DYSF: variants seen among roughly 807,000 people sequenced by gnomAD.
DYSF encodes dysferlin, also known as dystrophy-associated fer-1-like 1.
Under a neutral mutation model 274.9 loss-of-function variants are expected in DYSF, and 212 were observed. The observed-to-expected ratio is 0.77, with a 90% CI of 0.69 to 0.86. DYSF has a LOEUF of 0.86. Among genes scored for constraint, DYSF ranks in the 40% least tolerant of loss-of-function variants. The pLI, the probability that DYSF is intolerant of heterozygous loss-of-function variation, is 0.00. For synonymous variants in DYSF, 1,091 were observed against 1,078.7 expected (o/e 1.01, Z -0.22); for missense variants, 2,666 against 2,783.2 (o/e 0.96, Z 0.95).
intron 3 of DYSF, among the ~76,000 whole-genome samples, chr2:71,484,276 C>T (rs563740819): frequency 6.6e-6 from 1 of 152,204 alleles, no homozygotes; most frequent in African/African-American, 2.4e-5. Context: ...CAGTCTTGAA[C>T]TCCTGACCTC....
At chr2:71,474,979 T>A (rs1188908091) in intron 1 of DYSF, among the ~76,000 whole-genome samples, 4 of 152,114 alleles carry the variant, frequency 2.6e-5, no homozygotes, top group African/African-American at 4.8e-5. Context: ...TCAGGCCCCC[T>A]CAGAACCCTG....
intron 49 of DYSF, 77 bp downstream of exon 49, chr2:71,668,919 G>A (rs1406265517): frequency 1.1e-5 from 17 of 1,489,938 alleles, no homozygotes; most frequent in Middle Eastern, 3.4e-4. Context: ...GGGACTAGGC[G>A]GTTGCTCTTT....
At chr2:71,506,832 T>C (rs1273312255) in intron 4 of DYSF, among the ~76,000 whole-genome samples, 1 of 151,882 alleles carries the variant, frequency 6.6e-6, no homozygotes, top group Non-Finnish European at 1.5e-5. Context: ...CTGAGGTCTG[T>C]TCTAGACCCT....
chr2:71,672,382 C>T (rs1375999703), intron 51 of DYSF, among the ~76,000 whole-genome samples: 1 of 152,200 alleles, frequency 6.6e-6, no homozygotes, highest in East Asian at 1.9e-4. Context: ...GCCACGGAGC[C>T]AGCCCTCTGC....
chr2:71,535,089 G>C lies in DYSF; in HGVS notation c.1449G>C (p.Met483Ile). ...QWNQNITLPA[M>I]FPSMCEKMRI... The stretch of plus-strand genomic sequence containing the variant: ...ACCAGAACATCACACTGCCTGCCAT[G>C]GTGAGCCTCCTGCCCCCAGCAAACC... The change falls in exon 15 of 56, where the codon ATG becomes ATC. Residue 483 changes from methionine (M) to isoleucine (I), a missense_variant and splice_region_variant. Around this residue, in one of 3 missense-constraint regions of DYSF, gnomAD observed 794 missense variants for 777.1 expected, o/e 1.02. Transcript: ENST00000410020. The C allele has an allele frequency of 6.2e-7, 1 of 1,614,124 alleles. No individual in the cohort carries two copies. Among genetic ancestry groups the C allele is most frequent in the Non-Finnish European group, 8.5e-7 (1 of 1,180,002 alleles).
intron 29 of DYSF, among the ~76,000 whole-genome samples, chr2:71,573,852 T>G (rs2092607418): frequency 6.6e-6 from 1 of 152,100 alleles, no homozygotes; most frequent in Non-Finnish European, 1.5e-5. Flanking sequence ...AGATGGAGTC[T>G]CATTCTGTCA....
intron 32 of DYSF, among the ~76,000 whole-genome samples, chr2:71,592,880 G>C (rs185850063): frequency 6.6e-6 from 1 of 152,182 alleles, no homozygotes; most frequent in Non-Finnish European, 1.5e-5. Flanking sequence ...AGATAGGCAG[G>C]GGTTGCCCAG....
At chr2:71,515,854 G>A (rs1035783019) in intron 8 of DYSF, 103 bp downstream of exon 8, 26 of 1,521,658 alleles carry the variant, frequency 1.7e-5, no homozygotes, top group East Asian at 1.2e-4. Flanking sequence ...TACGTATGGC[G>A]CTGACCTTGG....
chr2:71,481,722 C>CCATCCATCCATCCATCCATCCATCCATT (rs1553508732), intron 2 of DYSF, among the ~76,000 whole-genome samples, 157 bp from the exon 3 acceptor site: 190 of 151,842 alleles, frequency 1.3e-3, no homozygotes, highest in South Asian at 7.5e-3. Context: ...ATCCATCCAT[C>CCATCCATCCATCCATCCATCCATCCATT]CATCCATGCT....
At chr2:71,529,827 C>T (rs1280329376) in intron 14 of DYSF, among the ~76,000 whole-genome samples, 4 of 152,178 alleles carry the variant, frequency 2.6e-5, no homozygotes, top group Non-Finnish European at 5.9e-5. Context: ...TCTTGATTAG[C>T]CAACATTTTT....
At chr2:71,667,788 T>G (rs1202724994) in intron 48 of DYSF, among the ~76,000 whole-genome samples, 2 of 152,148 alleles carry the variant, frequency 1.3e-5, no homozygotes, top group African/African-American at 4.8e-5. Flanking sequence ...CGACCTCTCC[T>G]TGTCATCCTG....
intron 5 of DYSF, among the ~76,000 whole-genome samples, 197 bp from the exon 6 acceptor site, chr2:71,513,043 C>A (rs1388596104): frequency 1.3e-5 from 2 of 152,110 alleles, no homozygotes; most frequent in Non-Finnish European, 2.9e-5. Context: ...GCAGGCCAAT[C>A]AGTGGAGGCT....
chr2:71,508,960 C>A (rs958942364), intron 4 of DYSF, among the ~76,000 whole-genome samples: 2 of 152,196 alleles, frequency 1.3e-5, no homozygotes, highest in Non-Finnish European at 2.9e-5. Context: ...TCAACCAATC[C>A]TCCCACCTCA....
chr2:71,512,886 G>A (rs2086243197), intron 5 of DYSF, among the ~76,000 whole-genome samples: 1 of 152,146 alleles, frequency 6.6e-6, no homozygotes, highest in Non-Finnish European at 1.5e-5. Context: ...AGATCAGTCT[G>A]GACTGGAGTA....
intron 40 of DYSF, among the ~76,000 whole-genome samples, chr2:71,617,894 GGTGTGTTT>G (rs2093940475): frequency 2.0e-5 from 2 of 100,996 alleles, no homozygotes; most frequent in Non-Finnish European, 4.4e-5. Flanking sequence ...GTGTGGTAGA[GGTGTGTTT>G]GTGGTAGAGG....
At chr2:71,470,860 C>T (rs1274362654) in intron 1 of DYSF, among the ~76,000 whole-genome samples, 4 of 148,278 alleles carry the variant, frequency 2.7e-5, no homozygotes, top group African/African-American at 7.4e-5. Context: ...GGCACGTTGT[C>T]GGCTCATTGC....
chr2:71,456,434 C>T (rs1412822837), intron 1 of DYSF, among the ~76,000 whole-genome samples: 4 of 152,154 alleles, frequency 2.6e-5, no homozygotes, highest in Admixed American at 6.5e-5. Context: ...TCTCCTTCTC[C>T]CTGGCAGGGT....
intron 4 of DYSF, among the ~76,000 whole-genome samples, chr2:71,505,220 G>C (rs1054930011): frequency 2.0e-5 from 3 of 152,248 alleles, no homozygotes; most frequent in Non-Finnish European, 4.4e-5. Context: ...CTTTGGGCTG[G>C]GGCTTCCTGC....
rs143725597 is a variant in DYSF at position 71,589,800 on chromosome 2, C to T, written c.3496+114C>T. ...TGTGGGGCTCTGGGGAGCTGAGTCT[C>T]TGTGCTTTTTGGTGGGTCAGTGCTG... On this transcript the variant is annotated intron_variant, in intron 31 of 55. Coordinates refer to ENST00000410020, the MANE Select transcript of DYSF (RefSeq NM_001130987.2). The T allele has an allele frequency of 8.0e-3, 8,816 of 1,104,554 alleles. 51 individuals carry two copies. The highest frequency in any genetic ancestry group is 9.6e-3 in the Non-Finnish European group (6,920 of 723,964). 68.4% of individuals were successfully genotyped at this position (1,104,554 alleles called of 1,614,324 possible).
Sources: gnomAD v4.1 joint callset for allele counts (sites outside exome capture counted in the v4.1 genomes callset) on GRCh38, gnomAD v4.1.1 for gene constraint, gnomAD v4.1.1 regional missense constraint, MANE v1.5 for transcripts, NCBI Gene and HGNC (gene_info 2026-07-23, HGNC 2026-07-21) for gene names.